Variants in LRBA observed in about 807,000 individuals in gnomAD.
LRBA encodes LPS responsive beige-like anchor protein, also known as lipopolysaccharide-responsive and beige-like anchor protein.
LRBA carries 176 observed loss-of-function variants against 330.0 expected under a neutral mutation model. That is an observed-to-expected ratio of 0.53 (90% CI 0.47 to 0.60). LRBA has a LOEUF of 0.60. Ranked by LOEUF, LRBA falls within the 20% of genes least tolerant of loss-of-function variation. The pLI is 0.00. For missense variants in LRBA, 3,259 were observed against 3,444.8 expected, an observed-to-expected ratio of 0.95 and a Z score of 1.35; for synonymous variants, 1,230 against 1,193.0, an observed-to-expected ratio of 1.03 and a Z score of -0.64.
At chr4:150,953,759 A>T (rs1000609084) in intron 2 of LRBA, among the ~76,000 whole-genome samples, 15 of 151,850 alleles carry the variant, frequency 9.9e-5, no homozygotes, top group Non-Finnish European at 1.8e-4. Flanking sequence ...AAGTGCCAAG[A>T]TTGCAGCCTC....
At chr4:150,310,929 T>G (rs981468285) in intron 51 of LRBA, 1 of 152,294 alleles carries the variant, frequency 6.6e-6, no homozygotes, top group African/African-American at 2.4e-5. Context: ...TGCACTTGCA[T>G]GTAAGGAAAG....
At chr4:150,510,890 C>T (rs947279043) in intron 40 of LRBA, among the ~76,000 whole-genome samples, 3 of 152,114 alleles carry the variant, frequency 2.0e-5, no homozygotes, top group African/African-American at 7.2e-5. Context: ...GAGTCTCACT[C>T]TGTCGCCCAA....
chr4:150,331,626 A>T (rs1393487213), intron 48 of LRBA, among the ~76,000 whole-genome samples: 1 of 152,138 alleles, frequency 6.6e-6, no homozygotes, highest in Non-Finnish European at 1.5e-5. Context: ...TATTTTTTTT[A>T]ACTTCTAATG....
At chr4:150,773,558 A>G (rs961659305) in intron 34 of LRBA, among the ~76,000 whole-genome samples, 8 of 152,256 alleles carry the variant, frequency 5.3e-5, no homozygotes, top group African/African-American at 1.7e-4. Flanking sequence ...AGATGAATAT[A>G]TGCTGGAAAT....
intron 19 of LRBA, among the ~76,000 whole-genome samples, 185 bp downstream of exon 19, chr4:150,871,160 T>C: frequency 6.6e-6 from 1 of 152,148 alleles, no homozygotes; most frequent in Non-Finnish European, 1.5e-5. Context: ...GGAGAATCAC[T>C]TGAACCCGGG....
intron 47 of LRBA, among the ~76,000 whole-genome samples, chr4:150,383,054 C>CA (rs1011304375): frequency 7.2e-5 from 11 of 152,040 alleles, no homozygotes; most frequent in Non-Finnish European, 1.5e-4. Context: ...AATATATCCC[C>CA]AAAAAGATAC....
At position 150,631,184 on chromosome 4, in the gene LRBA, A is replaced by T. The variant is rs541914633; in HGVS notation, c.5922-32053T>A. On this transcript the variant is annotated intron_variant, in intron 37 of 56. Transcript: ENST00000651943. ...AGAGTTTAGACTATTCTTGATCTTT[A>T]AAAAAAAAAAAGTAAATGCAGAGAG... Among the ~76,000 whole-genome samples, 5 of 144,090 alleles carry T rather than the reference A, an allele frequency of 3.5e-5. No homozygotes were observed. The South Asian group carries it at 1.1e-3, about 31-fold the overall frequency. 94.5% of individuals were successfully genotyped at this position (144,090 alleles called of 152,430 possible).
At chr4:150,922,552 G>T (rs914994880) in intron 4 of LRBA, among the ~76,000 whole-genome samples, 1 of 152,066 alleles carries the variant, frequency 6.6e-6, no homozygotes, top group Non-Finnish European at 1.5e-5. Context: ...TCACTGATAT[G>T]TGGGAGCTAA....
rs114786941 is a variant in LRBA, at chr4:150,893,105, C to T, written c.2112G>A (p.Met704Ile). 146 of 1,612,502 alleles carry T rather than the reference C, an allele frequency of 9.1e-5. No individual in the cohort carries two copies. In the African/African-American group the frequency reaches 1.7e-3, roughly 19 times the overall value. Reference sequence around the variant, plus strand: ...GAATCATAGAGTTAGGGTGTTCTGACATTAATGCAACAAGCAGCTGTAGGA... The same window carrying T: ...GAATCATAGAGTTAGGGTGTTCTGATATTAATGCAACAAGCAGCTGTAGGA... ...MDVLQLLVALMSEHPNSMIPA... is the reference protein window; with the variant it reads ...MDVLQLLVALISEHPNSMIPA... The change falls in exon 17 of 57, where the codon ATG becomes ATA. Residue 704 changes from methionine to isoleucine, a missense_variant. By Grantham distance (10) the Met-to-Ile change is conservative. Coordinates refer to ENST00000651943, the MANE Select transcript of LRBA (RefSeq NM_001364905.1).
intron 2 of LRBA, among the ~76,000 whole-genome samples, chr4:150,981,319 G>A (rs2149604965): frequency 6.6e-6 from 1 of 151,238 alleles, no homozygotes; most frequent in Non-Finnish European, 1.5e-5. Flanking sequence ...AGGCTGAGGT[G>A]GGAGAATCGC....
chr4:150,557,743 T>C (rs1767514358), intron 40 of LRBA, among the ~76,000 whole-genome samples: 1 of 152,188 alleles, frequency 6.6e-6, no homozygotes, highest in African/African-American at 2.4e-5. Context: ...TATAGTGCCA[T>C]CCGCATCACA....
At chr4:150,347,394 C>G (rs1269035088) in intron 48 of LRBA, among the ~76,000 whole-genome samples, 1 of 152,074 alleles carries the variant, frequency 6.6e-6, no homozygotes, top group Non-Finnish European at 1.5e-5. Flanking sequence ...GTCTGTAATC[C>G]CAGCACTTTG....
chr4:150,952,167 GAA>G (rs1736901100), intron 2 of LRBA, among the ~76,000 whole-genome samples: 1 of 152,076 alleles, frequency 6.6e-6, no homozygotes, highest in Admixed American at 6.5e-5. Context: ...GTCTCACTGA[GAA>G]CTACTCATGA....
At chr4:150,837,381 T>C (rs1487518240) in intron 28 of LRBA, among the ~76,000 whole-genome samples, 2 of 152,172 alleles carry the variant, frequency 1.3e-5, no homozygotes, top group Admixed American at 6.5e-5. Flanking sequence ...ATCTGTCTAA[T>C]GTTGACGGTG....
intron 36 of LRBA, among the ~76,000 whole-genome samples, chr4:150,715,552 C>T (rs973181046): frequency 6.6e-6 from 1 of 152,144 alleles, no homozygotes; most frequent in African/African-American, 2.4e-5. Context: ...TAATATTTCA[C>T]ATAAAAACTA....
intron 53 of LRBA, among the ~76,000 whole-genome samples, chr4:150,294,319 G>C (rs1213538437): frequency 1.3e-5 from 2 of 152,162 alleles, no homozygotes; most frequent in African/African-American, 4.8e-5. Context: ...TTAGTGATAG[G>C]ATTGCATCAA....
At chr4:150,786,289 C>T (rs1739047072) in intron 34 of LRBA, among the ~76,000 whole-genome samples, 1 of 144,118 alleles carries the variant, frequency 6.9e-6, no homozygotes, top group Non-Finnish European at 1.5e-5. Flanking sequence ...GTCGCCTGGG[C>T]TGGAGTGCCA....
intron 42 of LRBA, among the ~76,000 whole-genome samples, chr4:150,482,348 T>C (rs1757385373): frequency 6.6e-6 from 1 of 152,118 alleles, no homozygotes; most frequent in Non-Finnish European, 1.5e-5. Flanking sequence ...TTCATCTGTG[T>C]TGTTGCATGT....
chr4:150,493,381 C>T (rs1470216589), intron 40 of LRBA, among the ~76,000 whole-genome samples: 1 of 152,180 alleles, frequency 6.6e-6, no homozygotes, highest in Non-Finnish European at 1.5e-5. Flanking sequence ...TTTGAATATA[C>T]CCTACTTCCA....
Sources: allele counts gnomAD v4.1 joint callset (sites outside exome capture counted in the v4.1 genomes callset), GRCh38; gene constraint gnomAD v4.1.1; transcripts MANE v1.5; gene names NCBI Gene and HGNC (gene_info 2026-07-23, HGNC 2026-07-21).